The following ZNF527 variants were observed in gnomAD, a reference collection of about 807,000 sequenced individuals.
The protein encoded by ZNF527 is zinc finger protein 527.
ZNF527 carries 5 observed loss-of-function variants against 13.5 expected under a neutral mutation model. That is an observed-to-expected ratio of 0.37 (90% CI 0.19 to 0.78). ZNF527 has a LOEUF of 0.78. Ranked by LOEUF, ZNF527 falls within the 30% of genes least tolerant of loss-of-function variation. The pLI is 0.48. For synonymous variants in ZNF527, 209 were observed against 243.1 expected (o/e 0.86, Z 1.30); for missense variants, 628 against 726.4 (o/e 0.86, Z 1.56).
rs779991994 is a variant in ZNF527 at position 37,388,477 on chromosome 19, C to G, written c.428C>G (p.Ala143Gly). The change falls in exon 5 of 5, where the codon GCG becomes GGG. Residue 143 changes from alanine (A) to glycine (G), a missense_variant. Coordinates refer to ENST00000436120, the MANE Select transcript of ZNF527 (RefSeq NM_032453.2). ...KGEFELHQGN[A>G]ERHFMQVTAV... is the part of the protein sequence containing the mutation. ...GAATTTGAGCTACATCAGGGAAATG[C>G]GGAGAGGCATTTCATGCAAGTGACA... The G allele has an allele frequency of 6.2e-6, 10 of 1,614,048 alleles. No individual in the cohort carries two copies. The South Asian group carries it at 1.1e-4, about 18-fold the overall frequency.
chr19:37,379,110 T>C lies in ZNF527; in HGVS notation c.34-10T>C, dbSNP rs2040630881. The C allele has an allele frequency of 1.2e-6, 2 of 1,613,968 alleles. No homozygotes were observed. The highest frequency in any genetic ancestry group is 1.7e-5 in the Admixed American group (1 of 59,986). On this transcript the variant is annotated splice_polypyrimidine_tract_variant and intron_variant, in intron 2 of 4. Coordinates refer to ENST00000436120, the MANE Select transcript of ZNF527 (RefSeq NM_032453.2). The stretch of plus-strand genomic sequence containing the variant: ...TGGGCACCTGGTGAACAAGAATTTT[T>C]TTATTTCAGGGGTTGGTGACCTTCA...
Position 37,391,989 on chromosome 19 carries a change from G to C in ZNF527, c.*2110G>C, listed in dbSNP as rs1051102773. On this transcript the variant is annotated 3_prime_UTR_variant, in exon 5 of 5. Transcript: ENST00000436120. ...GTGTGCATAGAGTGAATATATGTGT[G>C]CATAGAGTGAAATATTCAACTTATA... 6.6e-6 allele frequency: 1 copy of C among 152,110 alleles called. No individual in the cohort carries two copies. The highest frequency in any genetic ancestry group is 1.5e-5 in the Non-Finnish European group (1 of 68,014). 9.4% of individuals were successfully genotyped at this position (152,110 alleles called of 1,614,324 possible).
chr19:37,377,918 T>C lies in ZNF527; in HGVS notation c.34-1202T>C, dbSNP rs1236983993. 2.0e-5 allele frequency among the ~76,000 whole-genome samples: 3 copies of C among 151,752 alleles called. No homozygotes were observed. The East Asian group carries it at 5.8e-4, about 29-fold the overall frequency. On this transcript the variant is annotated intron_variant, in intron 2 of 4. Transcript: ENST00000436120. ...CAGCCTCCTAGGACTCAGAAAAGAG[T>C]AGAGGAGCACATGGAAGTTATACAA...
intron 1 of ZNF527, among the ~76,000 whole-genome samples, chr19:37,371,545 A>G (rs1183774123): frequency 1.3e-5 from 2 of 152,002 alleles, no homozygotes; most frequent in African/African-American, 4.8e-5. Flanking sequence ...CTGGGGTGTG[A>G]CATTGTGTGT....
At position 37,388,750 on chromosome 19, in the gene ZNF527, G is replaced by C. The variant is rs755325433; in HGVS notation, c.701G>C (p.Ser234Thr). 2.5e-6 allele frequency: 4 copies of C among 1,612,828 alleles called. No homozygotes were observed. In the South Asian group the frequency reaches 4.4e-5, roughly 18 times the overall value. ...GAATTCAACCAGAGTACGTACCTTA[G>C]TAAAGATATAGGAATTCCTCCTGGG... ...CEEFNQSTYL[S>T]KDIGIPPGEK... Residue 234 changes from serine (S) to threonine (T), a missense_variant, in exon 5 of 5, where the codon AGT becomes ACT. Transcript: ENST00000436120.
rs1405405564 is a variant in ZNF527 at position 37,371,963 on chromosome 19, T to G, written c.-42+737T>G. ...AGTTAACAAGTGACAGCACCAGAACTCAAACCCAAGCAGTTTAGCTCTAGA... is the reference window on the plus strand; with the variant it reads ...AGTTAACAAGTGACAGCACCAGAACGCAAACCCAAGCAGTTTAGCTCTAGA... On this transcript the variant is annotated intron_variant, in intron 1 of 4. Transcript: ENST00000436120. 4.6e-5 allele frequency among the ~76,000 whole-genome samples: 7 copies of G among 151,788 alleles called. No homozygotes were observed. In the East Asian group the frequency reaches 1.4e-3, roughly 29 times the overall value.
Position 37,389,490 on chromosome 19 carries a change from A to C in ZNF527, c.1441A>C (p.Thr481Pro), listed in dbSNP as rs781036923. Residue 481 changes from threonine to proline, a missense_variant, in exon 5 of 5, where the codon ACT (threonine) becomes CCT (proline). Thr to Pro is a conservative substitution (Grantham distance 38). Around this residue, in one of 3 missense-constraint regions of ZNF527, gnomAD observed 592 missense variants for 678.0 expected, o/e 0.87. Coordinates refer to ENST00000436120, the MANE Select transcript of ZNF527 (RefSeq NM_032453.2). ...ECIKCGKFFRTDSQLNRHHRI... is the reference protein window; with the variant it reads ...ECIKCGKFFRPDSQLNRHHRI... ...CATCAAATGTGGGAAGTTTTTTAGGACTGACTCACAACTTAATCGACATCA... is the reference window on the plus strand; with the variant it reads ...CATCAAATGTGGGAAGTTTTTTAGGCCTGACTCACAACTTAATCGACATCA... The C allele has an allele frequency of 6.2e-7, 1 of 1,613,980 alleles. No homozygotes were observed. The highest frequency in any genetic ancestry group is 1.1e-5 in the South Asian group (1 of 91,060).
At chr19:37,377,296 A>G (rs1358873377) in intron 2 of ZNF527, among the ~76,000 whole-genome samples, 5 of 152,322 alleles carry the variant, frequency 3.3e-5, no homozygotes, top group African/African-American at 2.4e-5. Flanking sequence ...AGTTTTATTC[A>G]TAGTCACAGA....
chr19:37,384,879 G>C (rs920916003), intron 4 of ZNF527: 3 of 697,330 alleles, frequency 4.3e-6, no homozygotes, highest in Non-Finnish European at 7.8e-6. Context: ...TTCTCACTCT[G>C]TTGCCCAGGC....
chr19:37,375,872 G>A (rs2040603572), intron 2 of ZNF527, among the ~76,000 whole-genome samples: 1 of 152,198 alleles, frequency 6.6e-6, no homozygotes, highest in African/African-American at 2.4e-5. Flanking sequence ...AGAGGAGAAA[G>A]TGTTTCAAGG....
chr19:37,380,474 C>A, intron 4 of ZNF527, 102 bp downstream of exon 4: 1 of 926,888 alleles, frequency 1.1e-6, no homozygotes, highest in Non-Finnish European at 1.6e-6. Context: ...GAACTGAAAT[C>A]TCCATAGTAT....
rs373458636 is a variant in ZNF527 at position 37,389,774 on chromosome 19, T to C, written c.1725T>C (p.Ile575=). 2.6e-5 allele frequency: 42 copies of C among 1,613,584 alleles called. No individual in the cohort carries two copies. Among genetic ancestry groups the C allele is most frequent in the African/African-American group, 4.0e-5 (3 of 74,934 alleles). ...QILSLRLHQR[I]HAGEKPYKCN... ...TGTCCCTAAGACTACACCAGAGAAT[T>C]CACGCTGGAGAAAAACCTTATAAAT... is the stretch of plus-strand genomic sequence containing the variant. The change falls in exon 5 of 5, where the codon ATT becomes ATC. Residue 575 remains isoleucine (I), a synonymous_variant. Transcript: ENST00000436120.
chr19:37,384,617 C>G (rs898553550), intron 4 of ZNF527, among the ~76,000 whole-genome samples: 1 of 152,164 alleles, frequency 6.6e-6, no homozygotes, highest in Admixed American at 6.5e-5. Flanking sequence ...AGTTTATGCT[C>G]GTACTAACAA....
rs2040759206 is a variant in ZNF527, at chr19:37,392,042, T to G, written c.*2163T>G. The G allele has an allele frequency of 2.0e-5, 3 of 152,220 alleles. No individual in the cohort carries two copies. Among genetic ancestry groups the G allele is most frequent in the African/African-American group, 7.2e-5 (3 of 41,456 alleles). The allele number at this position is 152,220 out of a possible 1,614,324, so 9.4% of individuals were successfully genotyped here. ...TATTTCTAATAAAATCTGAAAATTATTTTTCATAAATATTCAAATTCCCTT... is the reference window on the plus strand; with the variant it reads ...TATTTCTAATAAAATCTGAAAATTAGTTTTCATAAATATTCAAATTCCCTT... On this transcript the variant is annotated 3_prime_UTR_variant, in exon 5 of 5. Transcript: ENST00000436120.
At chr19:37,374,113 C>T in intron 1 of ZNF527, 45 bp from the exon 2 acceptor site, 1 of 1,373,738 alleles carries the variant, frequency 7.3e-7, no homozygotes, top group Non-Finnish European at 1.0e-6. Flanking sequence ...ACCAAAAACA[C>T]AGGGCTGGCA....
chr19:37,387,863 T>C (rs2040712938), intron 4 of ZNF527, among the ~76,000 whole-genome samples: 1 of 152,188 alleles, frequency 6.6e-6, no homozygotes, highest in East Asian at 1.9e-4. Context: ...GTCTGAGGCA[T>C]TGGATGCAAT....
In ZNF527 at chr19:37,388,645, T is replaced by A; in HGVS notation, c.596T>A (p.Leu199His). ...QVHKFDIYDK[L>H]FPQNSVIIEY... is the part of the protein sequence containing the mutation. ...CATAAATTTGATATTTATGATAAAC[T>A]CTTCCCCCAAAATTCAGTCATAATT... Residue 199 changes from leucine (L) to histidine (H), a missense_variant, in exon 5 of 5, where the codon CTC (leucine) becomes CAC (histidine). Physicochemically the swap from Leu to His is moderately conservative, Grantham distance 99 (BLOSUM62 -3). Around this residue, in one of 3 missense-constraint regions of ZNF527, gnomAD observed 592 missense variants for 678.0 expected, o/e 0.87. Transcript: ENST00000436120. The A allele has an allele frequency of 1.9e-6, 3 of 1,613,456 alleles. No homozygotes were observed. The highest frequency in any genetic ancestry group is 2.5e-6 in the Non-Finnish European group (3 of 1,179,824).
intron 1 of ZNF527, among the ~76,000 whole-genome samples, chr19:37,373,471 G>A (rs1020233427): frequency 6.6e-6 from 1 of 152,172 alleles, no homozygotes; most frequent in Non-Finnish European, 1.5e-5. Flanking sequence ...GACTACAATG[G>A]TCTGGTGGTG....
Position 37,389,295 on chromosome 19 carries a change from T to C in ZNF527, c.1246T>C (p.Cys416Arg). Reference sequence around the variant, plus strand: ...TCACACTGGAGAGAAACCCTATGAATGTAATCAGTGTGGAAAAGCCTTCAG... The same window carrying C: ...TCACACTGGAGAGAAACCCTATGAACGTAATCAGTGTGGAAAAGCCTTCAG... Reference protein sequence around the residue: ...RIHTGEKPYECNQCGKAFSRR... With the variant: ...RIHTGEKPYERNQCGKAFSRR... The change falls in exon 5 of 5, where the codon TGT becomes CGT. Residue 416 changes from cysteine (C) to arginine (R), a missense_variant. Coordinates refer to ENST00000436120, the MANE Select transcript of ZNF527 (RefSeq NM_032453.2). 1 of 1,614,098 alleles carries C rather than the reference T, an allele frequency of 6.2e-7. No individual in the cohort carries two copies. Among genetic ancestry groups the C allele is most frequent in the East Asian group, 2.2e-5 (1 of 44,898 alleles).
Sources: gnomAD v4.1 joint callset for allele counts (sites outside exome capture counted in the v4.1 genomes callset) on GRCh38, gnomAD v4.1.1 for gene constraint, gnomAD v4.1.1 regional missense constraint, MANE v1.5 for transcripts, NCBI Gene and HGNC (gene_info 2026-07-23, HGNC 2026-07-21) for gene names.